The following PLXDC1 variants were observed in gnomAD, a reference collection of about 807,000 sequenced individuals.
The protein encoded by PLXDC1 is plexin domain-containing protein 1.
PLXDC1 carries 39 observed loss-of-function variants against 61.3 expected under a neutral mutation model. The observed-to-expected ratio is 0.64, with a 90% CI of 0.49 to 0.83. The LOEUF (loss-of-function observed/expected upper bound fraction) is 0.83. Ranked by LOEUF, PLXDC1 falls within the 40% of genes least tolerant of loss-of-function variation. The probability of loss-of-function intolerance (pLI) is 0.00; values close to 1 mark genes in which losing one functional copy is unlikely to be tolerated. For missense variants in PLXDC1, 596 were observed against 666.5 expected, an observed-to-expected ratio of 0.89 and a Z score of 1.17; for synonymous variants, 212 against 254.5, an observed-to-expected ratio of 0.83 and a Z score of 1.59.
intron 6 of PLXDC1, 34 bp from the exon 7 acceptor site, chr17:39,105,987 C>G: frequency 1.3e-6 from 2 of 1,492,730 alleles, no homozygotes; most frequent in South Asian, 1.2e-5. Context: ...GTCCACCTCC[C>G]AAACGCTCTG....
rs561160359 is a variant in PLXDC1 at position 39,102,008 on chromosome 17, G to A, written c.811+3846C>T. ...TAGGAAGGTGGAGGAAGAAGAAGCT[G>A]GTGAATTTCTGAAGAGGGGAAAGAA... On this transcript the variant is annotated intron_variant, in intron 7 of 13. Coordinates refer to ENST00000315392, the MANE Select transcript of PLXDC1 (RefSeq NM_020405.5). Among the ~76,000 whole-genome samples the A allele has an allele frequency of 4.6e-4, 70 of 152,288 alleles. 1 individual carries two copies. Among genetic ancestry groups the A allele is most frequent in the African/African-American group, 1.6e-3 (67 of 41,556 alleles).
intron 2 of PLXDC1, among the ~76,000 whole-genome samples, chr17:39,120,822 A>T (rs1911141402): frequency 6.7e-6 from 1 of 148,982 alleles, no homozygotes; most frequent in African/African-American, 2.5e-5. Flanking sequence ...GGAGTGCAAT[A>T]GCACAATCTC....
chr17:39,106,001 C>A, intron 6 of PLXDC1, 48 bp from the exon 7 acceptor site: 1 of 1,242,804 alleles, frequency 8.0e-7, no homozygotes, highest in Non-Finnish European at 1.2e-6. Context: ...CGCTCTGGGG[C>A]CCACCCAGCC....
intron 2 of PLXDC1, among the ~76,000 whole-genome samples, chr17:39,131,435 C>G (rs1192818175): frequency 6.6e-6 from 1 of 151,950 alleles, no homozygotes; most frequent in Non-Finnish European, 1.5e-5. Flanking sequence ...CTCACTGCAA[C>G]CTCCACCTCC....
chr17:39,097,302 C>T (rs1368220296), intron 7 of PLXDC1, among the ~76,000 whole-genome samples: 2 of 152,196 alleles, frequency 1.3e-5, no homozygotes, highest in African/African-American at 4.8e-5. Flanking sequence ...ATAGGATTAT[C>T]CATGGTGATC....
chr17:39,076,345 CA>C (rs1047499608), intron 11 of PLXDC1, among the ~76,000 whole-genome samples: 3 of 150,610 alleles, frequency 2.0e-5, no homozygotes, highest in African/African-American at 7.3e-5. Flanking sequence ...CTCATCTCTA[CA>C]AAAAATTTTT....
chr17:39,104,603 G>T (rs1017510263), intron 7 of PLXDC1, among the ~76,000 whole-genome samples: 4 of 152,072 alleles, frequency 2.6e-5, no homozygotes, highest in Non-Finnish European at 5.9e-5. Context: ...GGGAAACATA[G>T]CAAGGCCCTG....
chr17:39,084,394 T>G (rs1159389183), intron 8 of PLXDC1, among the ~76,000 whole-genome samples: 1 of 152,224 alleles, frequency 6.6e-6, no homozygotes, highest in Non-Finnish European at 1.5e-5. Flanking sequence ...TGCTTCATCA[T>G]GGTAACCATC....
chr17:39,128,846 T>C (rs1911439854), intron 2 of PLXDC1, among the ~76,000 whole-genome samples: 1 of 150,600 alleles, frequency 6.6e-6, no homozygotes. Flanking sequence ...CTGTCTTTAC[T>C]AAAAGTATGA....
At chr17:39,108,759 C>A in intron 4 of PLXDC1, 145 bp downstream of exon 4, 1 of 645,472 alleles carries the variant, frequency 1.5e-6, no homozygotes, top group Non-Finnish European at 2.8e-6. Flanking sequence ...TGACCCCCCT[C>A]CTGAGAATCA....
chr17:39,125,927 T>C (rs566526776), intron 2 of PLXDC1, among the ~76,000 whole-genome samples: 1 of 152,284 alleles, frequency 6.6e-6, no homozygotes, highest in Admixed American at 6.5e-5. Flanking sequence ...CTCTGCTTCG[T>C]AGCCTTTGGT....
At chr17:39,128,159 A>ATG (rs1911404197) in intron 2 of PLXDC1, among the ~76,000 whole-genome samples, 1 of 67,786 alleles carries the variant, frequency 1.5e-5, no homozygotes, top group African/African-American at 7.2e-5. Context: ...GTGTGTATAT[A>ATG]TATGTATATA....
intron 7 of PLXDC1, among the ~76,000 whole-genome samples, chr17:39,090,712 C>G (rs997468353): frequency 3.9e-5 from 6 of 152,222 alleles, no homozygotes; most frequent in Admixed American, 6.5e-5. Context: ...CCCCTTTTCT[C>G]TCTGCCCCGA....
rs558410026 is a variant in PLXDC1, at chr17:39,090,883, C to T, written c.812-3181G>A. Among the ~76,000 whole-genome samples the T allele has an allele frequency of 4.9e-4, 44 of 89,312 alleles. No homozygotes were observed. The South Asian group carries it at 0.017, about 34-fold the overall frequency. The allele number at this position is 89,312 out of a possible 152,430, so 58.6% of individuals were successfully genotyped here. On this transcript the variant is annotated intron_variant, in intron 7 of 13. Transcript: ENST00000315392. The stretch of plus-strand genomic sequence containing the variant: ...TCCTGTCCTTACTCTGTCTTTCTCC[C>T]TCTGTCTCTCTCTCTCTAGGACGGC...
At chr17:39,078,343 C>T (rs557366743) in intron 10 of PLXDC1, among the ~76,000 whole-genome samples, 3 of 152,242 alleles carry the variant, frequency 2.0e-5, no homozygotes, top group African/African-American at 7.2e-5. Context: ...ATGCTGGGCC[C>T]GTCACCTTCT....
intron 3 of PLXDC1, 90 bp from the exon 4 acceptor site, chr17:39,109,063 GGGGAGCAGGCAT>G: frequency 7.8e-7 from 1 of 1,287,356 alleles, no homozygotes; most frequent in Non-Finnish European, 1.1e-6. Context: ...TGGACAGAGT[GGGGAGCAGGCAT>G]GCCCAGGGCC....
chr17:39,108,126 T>C lies in PLXDC1; in HGVS notation c.589A>G (p.Asn197Asp). Residue 197 changes from asparagine (N) to aspartate (D), a missense_variant, in exon 5 of 14, where the codon AAT becomes GAT. Physicochemically the swap from Asn to Asp is conservative, Grantham distance 23. Transcript: ENST00000315392. ...SDNSTVVYFD[N>D]GTVFVVQWDH... ...AAATTCTGAGATCCAGTCTCACCAT[T>C]GTCAAAGTAAACAACTGTGGAGTTG... 5.0e-6 allele frequency: 8 copies of C among 1,614,132 alleles called. No individual in the cohort carries two copies. The highest frequency in any genetic ancestry group is 5.9e-6 in the Non-Finnish European group (7 of 1,180,016).
chr17:39,103,530 C>T, intron 7 of PLXDC1, among the ~76,000 whole-genome samples: 1 of 151,718 alleles, frequency 6.6e-6, no homozygotes, highest in South Asian at 2.1e-4. Context: ...GACCCTGTCT[C>T]TAATAATAAT....
Position 39,067,717 on chromosome 17 carries a change from A to G in PLXDC1, c.*123T>C, listed in dbSNP as rs1046799183. 6 of 974,286 alleles carry G rather than the reference A, an allele frequency of 6.2e-6. No individual in the cohort carries two copies. Among genetic ancestry groups the G allele is most frequent in the African/African-American group, 1.6e-5 (1 of 61,744 alleles). 60.4% of individuals were successfully genotyped at this position (974,286 alleles called of 1,614,324 possible). ...CGAAGCGAGCAGCAGCTCTGGAGCC[A>G]TAAACCACCATCTCATCTCAGCCCA... On this transcript the variant is annotated 3_prime_UTR_variant, in exon 14 of 14. Coordinates refer to ENST00000315392, the MANE Select transcript of PLXDC1 (RefSeq NM_020405.5).
Sources: allele counts gnomAD v4.1 joint callset (sites outside exome capture counted in the v4.1 genomes callset), GRCh38; gene constraint gnomAD v4.1.1; transcripts MANE v1.5; gene names NCBI Gene and HGNC (gene_info 2026-07-23, HGNC 2026-07-21).